NEK11: variants seen among roughly 807,000 people sequenced by gnomAD.
NEK11 encodes the protein NIMA related kinase 11.
Under a neutral mutation model 80.7 loss-of-function variants are expected in NEK11, and 72 were observed. That is an observed-to-expected ratio of 0.89 (90% CI 0.74 to 1.08). The LOEUF is 1.08. Among genes scored for constraint, NEK11 ranks in the 50% least tolerant of loss-of-function variants. The pLI is 0.00. For missense variants in NEK11, 764 were observed against 763.6 expected (o/e 1.00, Z -0.01); for synonymous variants, 251 against 260.7 (o/e 0.96, Z 0.36).
At chr3:131,115,978 CTTTCTTTCTTTA>C (rs1560477800) in intron 5 of NEK11, among the ~76,000 whole-genome samples, 3 of 116,284 alleles carry the variant, frequency 2.6e-5, no homozygotes, top group African/African-American at 6.6e-5. Flanking sequence ...TTCTTTCTTT[CTTTCTTTCTTTA>C]TTATACTTTA....
intron 4 of NEK11, among the ~76,000 whole-genome samples, chr3:131,098,929 A>C (rs931868834): frequency 4.0e-5 from 6 of 150,968 alleles, no homozygotes; most frequent in Non-Finnish European, 5.9e-5. Flanking sequence ...TCTGTACATC[A>C]TTTGTTTACT....
At chr3:131,324,476 A>G (rs1442949172) in intron 17 of NEK11, among the ~76,000 whole-genome samples, 1 of 152,292 alleles carries the variant, frequency 6.6e-6, no homozygotes. Flanking sequence ...TCCTTTGTAA[A>G]TCTAGTTATT....
At chr3:131,242,148 G>A (rs2095528977) in intron 15 of NEK11, among the ~76,000 whole-genome samples, 1 of 151,942 alleles carries the variant, frequency 6.6e-6, no homozygotes, top group Non-Finnish European at 1.5e-5. Flanking sequence ...TGACTGCATA[G>A]GTTTCTGAAA....
At chr3:131,203,779 A>G (rs1187847499) in intron 14 of NEK11, among the ~76,000 whole-genome samples, 624 of 4,468 alleles carry the variant, frequency 0.14, 10 homozygotes, top group African/African-American at 0.25. Context: ...ATATATATAT[A>G]TATATATATA....
At chr3:131,115,209 A>AG (rs2080817396) in intron 5 of NEK11, among the ~76,000 whole-genome samples, 1 of 152,204 alleles carries the variant, frequency 6.6e-6, no homozygotes, top group South Asian at 2.1e-4. Context: ...TACTTAAGCT[A>AG]GACATCTCAT....
intron 17 of NEK11, among the ~76,000 whole-genome samples, chr3:131,347,298 G>A (rs1034895413): frequency 1.3e-5 from 2 of 152,192 alleles, no homozygotes; most frequent in African/African-American, 4.8e-5. Flanking sequence ...GAAGACAAAT[G>A]TTCAATGAAT....
Position 131,277,895 on chromosome 3 carries a change from A to T in NEK11, c.1718+4321A>T, listed in dbSNP as rs147098838. ...TGAGTTGAGATAATGTATGAAATGCACTAAGAATAGTTTATGGCACATAGT... is the reference window on the plus strand; with the variant it reads ...TGAGTTGAGATAATGTATGAAATGCTCTAAGAATAGTTTATGGCACATAGT... On this transcript the variant is annotated intron_variant, in intron 17 of 17. Coordinates refer to ENST00000383366, the MANE Select transcript of NEK11 (RefSeq NM_024800.5). Among the ~76,000 whole-genome samples, 32 of 152,358 alleles carry T rather than the reference A, an allele frequency of 2.1e-4. No homozygotes were observed. In the East Asian group the frequency reaches 3.7e-3, roughly 17 times the overall value.
chr3:131,236,615 TC>T (rs774739771), intron 15 of NEK11, among the ~76,000 whole-genome samples: 2 of 152,294 alleles, frequency 1.3e-5, no homozygotes, highest in Non-Finnish European at 2.9e-5. Context: ...AATTCGGAAT[TC>T]AGTGAAAGAG....
chr3:131,067,112 T>C (rs973499862), intron 3 of NEK11, among the ~76,000 whole-genome samples: 1 of 152,178 alleles, frequency 6.6e-6, no homozygotes, highest in African/African-American at 2.4e-5. Context: ...CATATCTTGG[T>C]CTTTGATTAC....
intron 14 of NEK11, among the ~76,000 whole-genome samples, chr3:131,211,459 T>C (rs958053736): frequency 6.6e-6 from 1 of 152,228 alleles, no homozygotes; most frequent in African/African-American, 2.4e-5. Flanking sequence ...GGGTTGCTCT[T>C]CTTGAGGAGT....
At chr3:131,301,966 C>G (rs1305191155) in intron 17 of NEK11, among the ~76,000 whole-genome samples, 1 of 152,096 alleles carries the variant, frequency 6.6e-6, no homozygotes, top group Admixed American at 6.6e-5. Context: ...AAGAATTCAG[C>G]TGTGAATCTC....
intron 17 of NEK11, chr3:131,325,300 A>AAAGTGTAAAGACAT (rs1554014766): frequency 1.1e-4 from 16 of 152,074 alleles, no homozygotes; most frequent in Admixed American, 7.9e-4. Context: ...AATAACTTAT[A>AAAGTGTAAAGACAT]CCATTTACTT....
chr3:131,089,956 A>G (rs1301533186), intron 4 of NEK11, among the ~76,000 whole-genome samples: 1 of 152,220 alleles, frequency 6.6e-6, no homozygotes, highest in Non-Finnish European at 1.5e-5. Context: ...TCATTTTAAA[A>G]TAAAAAGCAG....
intron 4 of NEK11, among the ~76,000 whole-genome samples, chr3:131,108,670 A>T (rs2079572820): frequency 6.6e-6 from 1 of 152,074 alleles, no homozygotes; most frequent in African/African-American, 2.4e-5. Context: ...ATTTTTGATC[A>T]TAGTTAGTTT....
At chr3:131,091,401 C>G (rs1051999720) in intron 4 of NEK11, among the ~76,000 whole-genome samples, 3 of 152,106 alleles carry the variant, frequency 2.0e-5, no homozygotes, top group African/African-American at 7.2e-5. Context: ...AAATCAGGCA[C>G]TTAATATCAA....
At chr3:131,288,698 C>T (rs1320467659) in intron 17 of NEK11, among the ~76,000 whole-genome samples, 6 of 151,914 alleles carry the variant, frequency 3.9e-5, no homozygotes, top group South Asian at 2.1e-4. Context: ...GTGATCCACC[C>T]GCCTTGGCCT....
At chr3:131,092,342 G>A (rs2076858920) in intron 4 of NEK11, among the ~76,000 whole-genome samples, 1 of 152,164 alleles carries the variant, frequency 6.6e-6, no homozygotes, top group Non-Finnish European at 1.5e-5. Context: ...TAGAACACCA[G>A]GGAGACTATT....
At chr3:131,096,249 G>A in intron 4 of NEK11, among the ~76,000 whole-genome samples, 1 of 151,746 alleles carries the variant, frequency 6.6e-6, no homozygotes, top group Non-Finnish European at 1.5e-5. Context: ...TGTGCTCAAT[G>A]TTTAGCTCCC....
At chr3:131,247,618 G>T (rs1041511682) in intron 16 of NEK11, among the ~76,000 whole-genome samples, 7 of 151,910 alleles carry the variant, frequency 4.6e-5, no homozygotes, top group African/African-American at 1.7e-4. Context: ...CTCTTTTTTG[G>T]TTTCATATGA....
Sources: gnomAD v4.1 joint callset for allele counts (sites outside exome capture counted in the v4.1 genomes callset) on GRCh38, gnomAD v4.1.1 for gene constraint, MANE v1.5 for transcripts, NCBI Gene and HGNC (gene_info 2026-07-23, HGNC 2026-07-21) for gene names.